Variants in SLC20A2 observed in about 807,000 individuals in gnomAD.
SLC20A2 encodes the protein sodium-dependent phosphate transporter 2.
Under a neutral mutation model 61.0 loss-of-function variants are expected in SLC20A2, and 30 were observed. That is an observed-to-expected ratio of 0.49 (90% confidence interval 0.37 to 0.67). The LOEUF (loss-of-function observed/expected upper bound fraction) is 0.67, where lower values mean the gene tolerates loss of function less well. Ranked by LOEUF, SLC20A2 falls within the 30% of genes least tolerant of loss-of-function variation. SLC20A2 has a pLI of 0.00. For missense variants in SLC20A2, 626 were observed against 866.4 expected (o/e 0.72, Z 3.48); for synonymous variants, 351 against 353.3 (o/e 0.99, Z 0.07).
intron 2 of SLC20A2, among the ~76,000 whole-genome samples, chr8:42,470,261 A>G (rs1807521894): frequency 6.9e-6 from 1 of 144,392 alleles, no homozygotes; most frequent in African/African-American, 2.6e-5. Context: ...TATGTCGCCC[A>G]TGCTGGAGTG....
chr8:42,437,882 C>G lies in SLC20A2; in HGVS notation c.935-305G>C, dbSNP rs147775311. Among the ~76,000 whole-genome samples the G allele has an allele frequency of 1.3e-5, 2 of 151,592 alleles. No homozygotes were observed. Among genetic ancestry groups the G allele is most frequent in the East Asian group, 1.9e-4 (1 of 5,146 alleles). On this transcript the variant is annotated intron_variant, in intron 7 of 10. Coordinates refer to ENST00000520262, the MANE Select transcript of SLC20A2 (RefSeq NM_001257180.2). This position sits in a 1 kb window ranked among gnomAD's most constrained non-coding sequence, Gnocchi z 6.4. ...GCCCACCTTGGCCTCCTAAAGTGCT[C>G]GGATTACAAGCGTGAGCCAACGTGC...
upstream of SLC20A2, among the ~76,000 whole-genome samples, chr8:42,505,426 C>G (rs1338429670): frequency 6.6e-6 from 1 of 152,152 alleles, no homozygotes; most frequent in Admixed American, 6.5e-5. Flanking sequence ...AGCCACCATG[C>G]CTGACCCCTC....
At chr8:42,501,310 G>C (rs568878067), upstream of SLC20A2, 1 of 152,360 alleles carries the variant, frequency 6.6e-6, no homozygotes, top group South Asian at 2.1e-4. Flanking sequence ...GCCAAGGGGC[G>C]TGCCCTGGTG....
chr8:42,443,285 A>T (rs1453734827), intron 6 of SLC20A2, among the ~76,000 whole-genome samples: 1 of 133,690 alleles, frequency 7.5e-6, no homozygotes, highest in Non-Finnish European at 1.7e-5. Flanking sequence ...ATATATATAT[A>T]TATATATATA....
intron 1 of SLC20A2, among the ~76,000 whole-genome samples, chr8:42,483,180 TTCCGTCTCTACTAAAA>T (rs572557950): frequency 7.7e-4 from 118 of 152,260 alleles, no homozygotes; most frequent in Non-Finnish European, 1.5e-3. Context: ...ACTCTGTTGT[TTCCGTCTCTACTAAAA>T]TCCGTCTCTA....
At chr8:42,495,877 G>A (rs1195389010) in intron 1 of SLC20A2, among the ~76,000 whole-genome samples, 12 of 151,814 alleles carry the variant, frequency 7.9e-5, no homozygotes, top group African/African-American at 2.9e-4. Flanking sequence ...AGCCTCCCAA[G>A]TAGCTGGGAT....
intron 1 of SLC20A2, among the ~76,000 whole-genome samples, chr8:42,493,960 A>G (rs1809716976): frequency 6.6e-6 from 1 of 152,130 alleles, no homozygotes. Flanking sequence ...TGGGTAACAT[A>G]GCGAGACCCT....
At chr8:42,433,154 C>T (rs568743904) in intron 8 of SLC20A2, among the ~76,000 whole-genome samples, 36 of 152,260 alleles carry the variant, frequency 2.4e-4, no homozygotes, top group African/African-American at 8.2e-4. Context: ...AGTATATTTA[C>T]ATTGTTGTGA....
intron 1 of SLC20A2, among the ~76,000 whole-genome samples, chr8:42,497,456 T>C (rs1810009573): frequency 1.3e-5 from 2 of 152,212 alleles, no homozygotes; most frequent in South Asian, 4.2e-4. Context: ...ATTTCTCACA[T>C]GTTTCCAGGC....
At chr8:42,495,929 T>G (rs1411891032) in intron 1 of SLC20A2, among the ~76,000 whole-genome samples, 1 of 152,088 alleles carries the variant, frequency 6.6e-6, no homozygotes, top group Non-Finnish European at 1.5e-5. Flanking sequence ...TTTGTATTTT[T>G]GGTAGAGAGG....
intron 8 of SLC20A2, among the ~76,000 whole-genome samples, chr8:42,431,399 AAGTC>A (rs1269327314): frequency 6.6e-6 from 1 of 152,168 alleles, no homozygotes; most frequent in African/African-American, 2.4e-5. Flanking sequence ...AGGCTGAGAG[AAGTC>A]AGGAAGCTAA....
chr8:42,428,996 C>T (rs1803640469), intron 9 of SLC20A2, among the ~76,000 whole-genome samples, 154 bp from the exon 10 acceptor site: 1 of 152,190 alleles, frequency 6.6e-6, no homozygotes, highest in African/African-American at 2.4e-5. Flanking sequence ...GGCCGCTGCT[C>T]AACAACAGCA....
intron 2 of SLC20A2, among the ~76,000 whole-genome samples, chr8:42,470,293 C>T (rs1013078273): frequency 6.6e-6 from 1 of 150,818 alleles, no homozygotes; most frequent in Non-Finnish European, 1.5e-5. Flanking sequence ...TCACAACTCA[C>T]TGCAGCCTCA....
chr8:42,465,743 T>C, intron 3 of SLC20A2, 34 bp downstream of exon 3: 1 of 1,549,636 alleles, frequency 6.5e-7, no homozygotes, highest in Non-Finnish European at 8.7e-7. Flanking sequence ...AATGTAAACT[T>C]TCCTTCTTAT....
At chr8:42,489,004 G>A (rs1809291433) in intron 1 of SLC20A2, among the ~76,000 whole-genome samples, 1 of 136,512 alleles carries the variant, frequency 7.3e-6, no homozygotes. Flanking sequence ...CAATGGTGCA[G>A]TCTTGGCTCA....
chr8:42,475,678 T>C (rs1248661221), intron 1 of SLC20A2, among the ~76,000 whole-genome samples: 1 of 152,056 alleles, frequency 6.6e-6, no homozygotes, highest in East Asian at 1.9e-4. Flanking sequence ...CCCAAAGTGC[T>C]GGGATTACAG....
At position 42,436,313 on chromosome 8, in the gene SLC20A2, C is replaced by T. The variant is rs144754715; in HGVS notation, c.1523+676G>A. ...CGGGCGTACACGGCCGCTGCCTGCTCAACCTGAATAGCAGCATCGCGCCCT... is the reference window on the plus strand; with the variant it reads ...CGGGCGTACACGGCCGCTGCCTGCTTAACCTGAATAGCAGCATCGCGCCCT... On this transcript the variant is annotated intron_variant, in intron 8 of 10. Coordinates refer to ENST00000520262, the MANE Select transcript of SLC20A2 (RefSeq NM_001257180.2). 2.1e-3 allele frequency among the ~76,000 whole-genome samples: 317 copies of T among 152,230 alleles called. 1 individual carries two copies. Among genetic ancestry groups the T allele is most frequent in the African/African-American group, 7.4e-3 (309 of 41,546 alleles).
rs1253260874 is a variant in SLC20A2, at chr8:42,533,654, C to CTTTTTTTCTTTTT, written c.-265+8166_-265+8167insAAAAAGAAAAAAA. 5.6e-4 allele frequency among the ~76,000 whole-genome samples: 31 copies of CTTTTTTTCTTTTT among 55,212 alleles called. 2 individuals are homozygous for CTTTTTTTCTTTTT. The highest frequency in any genetic ancestry group is 1.2e-3 in the African/African-American group (15 of 12,318). 36.2% of individuals were successfully genotyped at this position (55,212 alleles called of 152,430 possible). On this transcript the variant is annotated intron_variant, in intron 1 of 10. Transcript: ENST00000342228. ...TTAATGGCCTTAATGATCAACTGTT[C>CTTTTTTTCTTTTT]TTTTTTTTTTTTTTTTTTTTTTGAG... is the stretch of plus-strand genomic sequence containing the variant.
intron 1 of SLC20A2, among the ~76,000 whole-genome samples, chr8:42,480,239 C>T (rs1295902030): frequency 1.3e-5 from 2 of 152,130 alleles, no homozygotes; most frequent in East Asian, 1.9e-4. Flanking sequence ...AAGAAAGCAC[C>T]GCCTAAGACT....
Sources: gnomAD v4.1 joint callset for allele counts (sites outside exome capture counted in the v4.1 genomes callset) on GRCh38, gnomAD v4.1.1 for gene constraint, Gnocchi (gnomAD v3.1) non-coding constraint, MANE v1.5 for transcripts, NCBI Gene and HGNC (gene_info 2026-07-23, HGNC 2026-07-21) for gene names.